The following USP45 variants were observed in gnomAD, a reference collection of about 807,000 sequenced individuals.
USP45 encodes ubiquitin specific peptidase 45, also known as ubiquitin carboxyl-terminal hydrolase 45.
In USP45, 89 loss-of-function variants were observed where a neutral mutation model predicts 95.8. The ratio of observed to expected loss-of-function variants is 0.93; its 90% CI spans 0.78 to 1.11. The LOEUF is 1.11. Among genes scored for constraint, USP45 ranks in the 50% least tolerant of loss-of-function variants. The probability of loss-of-function intolerance (pLI) is 0.00; values close to 1 mark genes in which losing one functional copy is unlikely to be tolerated. For synonymous variants in USP45, 281 were observed against 316.2 expected, an observed-to-expected ratio of 0.89 and a Z score of 1.18; for missense variants, 898 against 942.5, an observed-to-expected ratio of 0.95 and a Z score of 0.62.
chr6:99,500,164 G>A (rs1490212477), intron 5 of USP45, among the ~76,000 whole-genome samples: 2 of 151,964 alleles, frequency 1.3e-5, no homozygotes, highest in Non-Finnish European at 2.9e-5. Flanking sequence ...TCACTCTGTC[G>A]CCCAGGCTGG....
intron 5 of USP45, among the ~76,000 whole-genome samples, chr6:99,493,654 T>C (rs4840054): frequency 0.85 from 129,810 of 152,136 alleles, 56,099 homozygotes; most frequent in East Asian, 1. Context: ...TCCACCACTA[T>C]GTCCAGCTAA....
At chr6:99,472,018 T>G (rs1242253658) in intron 9 of USP45, among the ~76,000 whole-genome samples, 2 of 152,208 alleles carry the variant, frequency 1.3e-5, no homozygotes, top group Non-Finnish European at 2.9e-5. Flanking sequence ...TGTGTCCTGC[T>G]GGGCTGCCTA....
intron 13 of USP45, 95 bp downstream of exon 13, chr6:99,464,509 T>C (rs1454872817): frequency 2.2e-6 from 3 of 1,376,966 alleles, no homozygotes; most frequent in Non-Finnish European, 2.9e-6. Flanking sequence ...TACATGAGAG[T>C]TTATTACACT....
intron 1 of USP45, among the ~76,000 whole-genome samples, chr6:99,512,953 CAA>C (rs1187653474): frequency 6.6e-6 from 1 of 152,256 alleles, no homozygotes; most frequent in African/African-American, 2.4e-5. Context: ...TCCAGGCTGA[CAA>C]GAGGCTGCAT....
At chr6:99,462,983 A>ATAAT (rs34485253) in intron 13 of USP45, among the ~76,000 whole-genome samples, 105 of 152,184 alleles carry the variant, frequency 6.9e-4, no homozygotes, top group Middle Eastern at 3.4e-3. Context: ...CTCTGTCTCA[A>ATAAT]TAATTAATTA....
At chr6:99,484,921 T>C (rs1054184233) in intron 7 of USP45, among the ~76,000 whole-genome samples, 24 of 152,268 alleles carry the variant, frequency 1.6e-4, no homozygotes, top group African/African-American at 5.5e-4. Context: ...AAGTAAAATC[T>C]AAGGTAATTT....
chr6:99,499,377 T>G (rs1486032166), intron 5 of USP45, among the ~76,000 whole-genome samples: 1 of 152,196 alleles, frequency 6.6e-6, no homozygotes, highest in East Asian at 1.9e-4. Context: ...ATATCCGGCA[T>G]TCTTACAAAC....
chr6:99,457,680 A>C (rs1330488554), intron 13 of USP45, among the ~76,000 whole-genome samples: 1 of 152,218 alleles, frequency 6.6e-6, no homozygotes, highest in Admixed American at 6.5e-5. Flanking sequence ...GAATCCAATT[A>C]ATCTAATTCT....
chr6:99,446,371 C>T lies in USP45; in HGVS notation c.1401G>A (p.Gly467=), dbSNP rs1782560748. ...TGAGGCTGGCAAACATTAAAGAATCCCCATTCATTTCAAGGTTTTCATTTT... is the reference window on the plus strand; with the variant it reads ...TGAGGCTGGCAAACATTAAAGAATCTCCATTCATTTCAAGGTTTTCATTTT... ...YQKNENLEMN[G]DSLMFASLMN... Residue 467 remains glycine, a synonymous_variant, in exon 14 of 18, where the codon GGG becomes GGA. Coordinates refer to ENST00000500704, the MANE Select transcript of USP45 (RefSeq NM_001346022.3). 2 of 1,614,070 alleles carry T rather than the reference C, an allele frequency of 1.2e-6. No homozygotes were observed. Among genetic ancestry groups the T allele is most frequent in the Non-Finnish European group, 1.7e-6 (2 of 1,180,020 alleles).
intron 16 of USP45, 133 bp from the exon 17 acceptor site, chr6:99,437,532 G>A (rs1371601642): frequency 1.0e-6 from 1 of 975,016 alleles, no homozygotes; most frequent in East Asian, 2.9e-5. Context: ...ATACTTACTA[G>A]GCTGGCAAAA....
At chr6:99,442,349 G>A (rs552408637) in intron 15 of USP45, among the ~76,000 whole-genome samples, 1 of 152,228 alleles carries the variant, frequency 6.6e-6, no homozygotes, top group South Asian at 2.1e-4. Flanking sequence ...CAGTTCCATT[G>A]AGCTTCTACA....
upstream of USP45, among the ~76,000 whole-genome samples, chr6:99,516,197 A>ATAATC (rs1470481334): frequency 6.6e-6 from 1 of 152,044 alleles, no homozygotes; most frequent in African/African-American, 2.4e-5. Flanking sequence ...TCCTAGCTAG[A>ATAATC]TAGTACATTT....
intron 7 of USP45, among the ~76,000 whole-genome samples, chr6:99,485,613 A>C (rs1283294743): frequency 6.6e-6 from 1 of 152,270 alleles, no homozygotes; most frequent in South Asian, 2.1e-4. Flanking sequence ...GATGCTGGTA[A>C]TGTTACTTGA....
intron 2 of USP45, among the ~76,000 whole-genome samples, 172 bp downstream of exon 2, chr6:99,509,949 C>A (rs1799414596): frequency 6.6e-6 from 1 of 152,150 alleles, no homozygotes; most frequent in African/African-American, 2.4e-5. Flanking sequence ...AGTCAGCCTG[C>A]CAAGTATGCA....
Position 99,508,774 on chromosome 6 carries a change from T to C in USP45, c.109A>G (p.Thr37Ala). 6.2e-7 allele frequency: 1 copy of C among 1,610,322 alleles called. No homozygotes were observed. Among genetic ancestry groups the C allele is most frequent in the Non-Finnish European group, 8.5e-7 (1 of 1,178,900 alleles). The change falls in exon 3 of 18, where the codon ACT becomes GCT. Residue 37 changes from threonine (T) to alanine (A), a missense_variant. Coordinates refer to ENST00000500704, the MANE Select transcript of USP45 (RefSeq NM_001346022.3). ...ATAGCATGACTTACATGTTGGCAAG[T>C]TAAACCTACTGAATAAGATAAAACA... ...DSSDDIAVGLTCQHVSHAISV... is the reference protein window; with the variant it reads ...DSSDDIAVGLACQHVSHAISV...
rs571616883 is a variant in USP45 at position 99,439,529 on chromosome 6, T to TAGAC, written c.2160+236_2160+239dup. Among the ~76,000 whole-genome samples the TAGAC allele has an allele frequency of 5.4e-4, 82 of 152,320 alleles. 1 individual carries two copies. The highest frequency in any genetic ancestry group is 1.8e-3 in the African/African-American group (73 of 41,576). On this transcript the variant is annotated intron_variant, in intron 16 of 17. Transcript: ENST00000500704. ...CTTCCAGTAGCACTTACAAACAGCTTAGACCTTCATAACCATCATGCCTCA... is the reference window on the plus strand; with the variant it reads ...CTTCCAGTAGCACTTACAAACAGCTTAGACAGACCTTCATAACCATCATGCCTCA...
chr6:99,443,746 A>G, intron 14 of USP45, 84 bp from the exon 15 acceptor site: 3 of 861,422 alleles, frequency 3.5e-6, no homozygotes, highest in Non-Finnish European at 5.1e-6. Context: ...CAGAAGTATC[A>G]TACCACATTT....
At chr6:99,489,792 C>A (rs1023273848) in intron 5 of USP45, among the ~76,000 whole-genome samples, 19 of 151,826 alleles carry the variant, frequency 1.3e-4, no homozygotes, top group Admixed American at 2.0e-4. Context: ...ACTAAAAATA[C>A]AAAAATTAGC....
chr6:99,477,136 G>A (rs908103909), intron 8 of USP45, among the ~76,000 whole-genome samples: 3 of 152,116 alleles, frequency 2.0e-5, no homozygotes, highest in Non-Finnish European at 2.9e-5. Context: ...AACTATTTAT[G>A]ATATTTACAA....
Sources: allele counts gnomAD v4.1 joint callset (sites outside exome capture counted in the v4.1 genomes callset), GRCh38; gene constraint gnomAD v4.1.1; transcripts MANE v1.5; gene names NCBI Gene and HGNC (gene_info 2026-07-23, HGNC 2026-07-21).